Variants in HTN3 observed in about 807,000 individuals in gnomAD.
The protein encoded by HTN3 is histatin 3.
In HTN3, 15 loss-of-function variants were observed where a neutral mutation model predicts 10.6. That is an observed-to-expected ratio of 1.42 (90% confidence interval 0.95 to 2.18). The LOEUF is 2.18. HTN3 is among the 30% of genes most tolerant of loss of function. HTN3 has a pLI of 0.00. For missense variants in HTN3, 68 were observed against 58.0 expected, an observed-to-expected ratio of 1.17 and a Z score of -0.56; for synonymous variants, 15 against 16.9, an observed-to-expected ratio of 0.89 and a Z score of 0.27.
intron 4 of HTN3, among the ~76,000 whole-genome samples, chr4:70,032,621 A>T (rs781537880): frequency 6.6e-6 from 1 of 152,112 alleles, no homozygotes; most frequent in Admixed American, 6.5e-5. Context: ...CAGTATGAAT[A>T]GGGGTTCAAA....
At chr4:70,032,198 A>G (rs1409931282) in intron 4 of HTN3, 91 bp downstream of exon 4, 2 of 854,742 alleles carry the variant, frequency 2.3e-6, no homozygotes, top group Non-Finnish European at 3.7e-6. Context: ...TCTCTCAAAT[A>G]TATTTATATC....
At chr4:70,029,127 T>C (rs1024277212) in intron 1 of HTN3, among the ~76,000 whole-genome samples, 1 of 152,080 alleles carries the variant, frequency 6.6e-6, no homozygotes, top group East Asian at 1.9e-4. Flanking sequence ...TCGGGAAATA[T>C]GTTTTTCAAA....
intron 2 of HTN3, chr4:70,031,248 G>A: frequency 6.4e-6 from 1 of 157,348 alleles, no homozygotes; most frequent in Non-Finnish European, 1.4e-5. Context: ...CTAAAATAAA[G>A]CTGCCTATTT....
At chr4:70,034,120 G>A (rs1696002287) in intron 5 of HTN3, 1 of 152,030 alleles carries the variant, frequency 6.6e-6, no homozygotes, top group Non-Finnish European at 1.5e-5. Flanking sequence ...GAAAACCTAG[G>A]TGATATCATT....
At position 70,033,164 on chromosome 4, in the gene HTN3, C is replaced by T. The variant is rs1424375706; in HGVS notation, c.103-3C>T. The T allele has an allele frequency of 6.2e-7, 1 of 1,602,902 alleles. No homozygotes were observed. Among genetic ancestry groups the T allele is most frequent in the Non-Finnish European group, 8.5e-7 (1 of 1,172,104 alleles). On this transcript the variant is annotated splice_region_variant and splice_polypyrimidine_tract_variant and intron_variant, in intron 4 of 5. Coordinates refer to ENST00000673563, the MANE Select transcript of HTN3 (RefSeq NM_000200.3). Reference sequence around the variant, plus strand: ...TTTGCTCTCTCCTTTTGTGTGTATGCAGGAAAAGCATCATTCACATCGAGG... The same window carrying T: ...TTTGCTCTCTCCTTTTGTGTGTATGTAGGAAAAGCATCATTCACATCGAGG...
At chr4:70,033,387 G>A (rs1283058205) in intron 5 of HTN3, 134 bp downstream of exon 5, 1 of 552,698 alleles carries the variant, frequency 1.8e-6, no homozygotes, top group Non-Finnish European at 3.2e-6. Flanking sequence ...GCTCTTTGAA[G>A]TGTGTTGATT....
chr4:70,032,077 G>C lies in HTN3; in HGVS notation c.73-1G>C. 4 of 1,532,828 alleles carry C rather than the reference G, an allele frequency of 2.6e-6. No homozygotes were observed. The highest frequency in any genetic ancestry group is 3.6e-6 in the Non-Finnish European group (4 of 1,113,592). 95.0% of individuals were successfully genotyped at this position (1,532,828 alleles called of 1,614,324 possible). On this transcript the variant is annotated splice_acceptor_variant, in intron 3 of 5. Transcript: ENST00000673563. LOFTEE classifies it high-confidence loss of function. ...TTTAATCTTTTCTTTTTATTTCATA[G>C]AGACATCATGGGTATAAAAGAAAAT...
intron 5 of HTN3, 129 bp from the exon 6 acceptor site, chr4:70,036,138 T>G (rs1304293556): frequency 3.9e-5 from 6 of 152,206 alleles, no homozygotes; most frequent in Non-Finnish European, 7.4e-5. Context: ...GTCTCAAATA[T>G]TATTTTGGTC....
chr4:70,030,078 A>C (rs1725344166), intron 1 of HTN3, among the ~76,000 whole-genome samples: 1 of 152,094 alleles, frequency 6.6e-6, no homozygotes, highest in Non-Finnish European at 1.5e-5. Flanking sequence ...ATGTCACAAC[A>C]ACCTAAGTGG....
At chr4:70,029,449 T>C (rs776848) in intron 1 of HTN3, among the ~76,000 whole-genome samples, 5,236 of 152,132 alleles carry the variant, frequency 0.034, 281 homozygotes, top group African/African-American at 0.11. Flanking sequence ...GATAGAGATG[T>C]AGGGCTGTTT....
intron 1 of HTN3, among the ~76,000 whole-genome samples, chr4:70,030,358 G>A (rs939711145): frequency 2.0e-5 from 3 of 152,080 alleles, no homozygotes; most frequent in African/African-American, 7.2e-5. Context: ...TATGCCCTGG[G>A]CTCACACCGA....
chr4:70,035,671 T>C (rs1386542430), intron 5 of HTN3, among the ~76,000 whole-genome samples: 1 of 152,214 alleles, frequency 6.6e-6, no homozygotes, highest in Non-Finnish European at 1.5e-5. Flanking sequence ...TTTTAGAAAG[T>C]CATTTTTACT....
intron 1 of HTN3, among the ~76,000 whole-genome samples, 172 bp downstream of exon 1, chr4:70,028,688 T>G (rs1467508584): frequency 6.6e-6 from 1 of 152,126 alleles, no homozygotes; most frequent in Non-Finnish European, 1.5e-5. Flanking sequence ...TTCCTATGAA[T>G]TAACACCAGC....
intron 1 of HTN3, among the ~76,000 whole-genome samples, chr4:70,030,134 A>G (rs1725346914): frequency 6.6e-6 from 1 of 151,758 alleles, no homozygotes; most frequent in South Asian, 2.1e-4. Flanking sequence ...AAACTGTTTG[A>G]ACTTTCAACA....
intron 1 of HTN3, among the ~76,000 whole-genome samples, chr4:70,029,256 A>G (rs912334340): frequency 1.3e-5 from 2 of 152,030 alleles, no homozygotes; most frequent in African/African-American, 4.8e-5. Context: ...ACAGTCACAA[A>G]CAACGGTAAA....
intron 1 of HTN3, among the ~76,000 whole-genome samples, chr4:70,030,278 T>A (rs1246561963): frequency 2.6e-5 from 4 of 152,170 alleles, no homozygotes; most frequent in Admixed American, 1.3e-4. Context: ...AGATGTCCAT[T>A]TGTGTGTTTC....
intron 5 of HTN3, chr4:70,034,452 A>G (rs1451475389): frequency 6.6e-6 from 1 of 152,246 alleles, no homozygotes; most frequent in Non-Finnish European, 1.5e-5. Context: ...AAACATGAAA[A>G]TAGCTCAACA....
At chr4:70,028,927 T>C (rs796313561) in intron 1 of HTN3, among the ~76,000 whole-genome samples, 1 of 152,060 alleles carries the variant, frequency 6.6e-6, no homozygotes, top group South Asian at 2.1e-4. Context: ...ACTTTCCTCT[T>C]AGTCGTAAAC....
intron 5 of HTN3, 97 bp downstream of exon 5, chr4:70,033,350 C>T (rs776292661): frequency 1.6e-6 from 1 of 617,892 alleles, no homozygotes; most frequent in Non-Finnish European, 2.8e-6. Context: ...AACAATCATT[C>T]CAGTTTAAGA....
Sources: allele counts gnomAD v4.1 joint callset (sites outside exome capture counted in the v4.1 genomes callset), GRCh38; gene constraint gnomAD v4.1.1; transcripts MANE v1.5; gene names NCBI Gene and HGNC (gene_info 2026-07-23, HGNC 2026-07-21).